Variants in PTPRD observed in about 807,000 individuals in gnomAD.
PTPRD encodes the protein protein tyrosine phosphatase receptor type D.
In PTPRD, 34 loss-of-function variants were observed where a neutral mutation model predicts 214.5. The ratio of observed to expected loss-of-function variants is 0.16; its 90% CI spans 0.12 to 0.21. PTPRD has a LOEUF of 0.21. Ranked by LOEUF, PTPRD falls within the 10% of genes least tolerant of loss-of-function variation. The pLI, the probability that PTPRD is intolerant of heterozygous loss-of-function variation, is 1.00. For missense variants in PTPRD, 2,545 were observed against 2,398.7 expected (o/e 1.06, Z -1.27); for synonymous variants, 1,128 against 845.7 (o/e 1.33, Z -5.79).
At chr9:9,423,594 A>G (rs1411391772) in intron 8 of PTPRD, among the ~76,000 whole-genome samples, 1 of 152,218 alleles carries the variant, frequency 6.6e-6, no homozygotes, top group African/African-American at 2.4e-5. Context: ...TGATACAAAT[A>G]TTAGAATTTC....
At chr9:10,376,194 G>C (rs895595797) in intron 2 of PTPRD, among the ~76,000 whole-genome samples, 1 of 151,854 alleles carries the variant, frequency 6.6e-6, no homozygotes, top group Admixed American at 6.6e-5. Flanking sequence ...GAGCCAAAAT[G>C]AATGAAGTCA....
chr9:9,313,122 T>G (rs1960059621), intron 9 of PTPRD, among the ~76,000 whole-genome samples: 1 of 152,194 alleles, frequency 6.6e-6, no homozygotes, highest in Non-Finnish European at 1.5e-5. Context: ...ACCAAAAATA[T>G]AGCGTAGGAA....
chr9:9,911,064 G>C (rs1421006376), intron 5 of PTPRD, among the ~76,000 whole-genome samples: 1 of 151,882 alleles, frequency 6.6e-6, no homozygotes, highest in East Asian at 1.9e-4. Flanking sequence ...TCCATTTCCA[G>C]TCTGCTTGGC....
chr9:10,109,751 C>A (rs906769414), intron 3 of PTPRD, among the ~76,000 whole-genome samples: 2 of 152,056 alleles, frequency 1.3e-5, no homozygotes, highest in African/African-American at 4.8e-5. Context: ...GTTGATAAAG[C>A]CAGACCTCTA....
intron 5 of PTPRD, among the ~76,000 whole-genome samples, chr9:9,917,237 A>T (rs1398452742): frequency 2.0e-5 from 3 of 150,242 alleles, no homozygotes; most frequent in Non-Finnish European, 4.5e-5. Context: ...AAAAATTTTT[A>T]AAAATCCACA....
At chr9:9,364,313 G>A (rs949003649) in intron 9 of PTPRD, among the ~76,000 whole-genome samples, 1 of 151,424 alleles carries the variant, frequency 6.6e-6, no homozygotes, top group Non-Finnish European at 1.5e-5. Context: ...AAACAAAATT[G>A]TGAAGAGAAT....
chr9:9,677,034 G>C (rs2096946281), intron 7 of PTPRD, among the ~76,000 whole-genome samples: 1 of 151,958 alleles, frequency 6.6e-6, no homozygotes, highest in Non-Finnish European at 1.5e-5. Context: ...TTAGCCCTTT[G>C]TCAGAAGAGT....
At chr9:10,208,587 G>C (rs974783201) in intron 3 of PTPRD, among the ~76,000 whole-genome samples, 3 of 152,168 alleles carry the variant, frequency 2.0e-5, no homozygotes, top group Non-Finnish European at 2.9e-5. Context: ...TAAATTCACT[G>C]CAGTTTTATC....
At chr9:9,519,849 T>C (rs2096923291) in intron 8 of PTPRD, among the ~76,000 whole-genome samples, 2 of 152,078 alleles carry the variant, frequency 1.3e-5, no homozygotes, top group Non-Finnish European at 2.9e-5. Context: ...CCGAACAAGT[T>C]GATCCCATAA....
intron 8 of PTPRD, among the ~76,000 whole-genome samples, chr9:9,536,671 T>C (rs1436328674): frequency 2.6e-5 from 4 of 152,026 alleles, no homozygotes; most frequent in Non-Finnish European, 4.4e-5. Context: ...CATTCTATTT[T>C]AGTCTAAGCC....
chr9:9,346,233 A>T (rs370372560), intron 9 of PTPRD, among the ~76,000 whole-genome samples: 1 of 152,184 alleles, frequency 6.6e-6, no homozygotes, highest in South Asian at 2.1e-4. Context: ...GACATTTATC[A>T]TAGAAAAAAG....
At chr9:9,665,949 G>C (rs2154383086) in intron 7 of PTPRD, among the ~76,000 whole-genome samples, 2 of 151,944 alleles carry the variant, frequency 1.3e-5, no homozygotes, top group Non-Finnish European at 2.9e-5. Flanking sequence ...AGTCCAGAAA[G>C]AGGAAAGGAA....
chr9:8,652,268 T>C (rs2096827968), intron 12 of PTPRD, among the ~76,000 whole-genome samples: 1 of 152,246 alleles, frequency 6.6e-6, no homozygotes, highest in African/African-American at 2.4e-5. Flanking sequence ...TTCTTTTTCC[T>C]TTTTTCTCTT....
At chr9:10,580,134 A>G (rs758993741) in intron 2 of PTPRD, among the ~76,000 whole-genome samples, 1 of 152,200 alleles carries the variant, frequency 6.6e-6, no homozygotes, top group South Asian at 2.1e-4. Context: ...AATTCAGGAG[A>G]ACCTAGCCTC....
intron 10 of PTPRD, among the ~76,000 whole-genome samples, chr9:9,070,313 C>T (rs1177684362): frequency 6.6e-6 from 1 of 152,098 alleles, no homozygotes; most frequent in African/African-American, 2.4e-5. Context: ...TGTAATTCTA[C>T]AAGAAATATG....
chr9:8,376,213 T>C, intron 38 of PTPRD, 123 bp from the exon 39 acceptor site: 1 of 1,121,488 alleles, frequency 8.9e-7, no homozygotes, highest in African/African-American at 1.6e-5. Context: ...CCTGTAGCCT[T>C]TGGGAAGACA....
At position 9,390,010 on chromosome 9, in the gene PTPRD, G is replaced by A. The variant is rs1330351808; in HGVS notation, c.-203+7439C>T. ...ATTAAGTGGGATAAGAAGAGACAGA[G>A]GTGGGAGAAAAGCATTGCGGTAGGG... is the stretch of plus-strand genomic sequence containing the variant. On this transcript the variant is annotated intron_variant, in intron 9 of 45. Coordinates refer to ENST00000381196, the MANE Select transcript of PTPRD (RefSeq NM_002839.4). Among the ~76,000 whole-genome samples the A allele has an allele frequency of 2.0e-5, 3 of 152,156 alleles. No individual in the cohort carries two copies. In the East Asian group the frequency reaches 5.8e-4, roughly 29 times the overall value.
intron 3 of PTPRD, among the ~76,000 whole-genome samples, chr9:10,055,538 T>G (rs1441511253): frequency 1.3e-5 from 2 of 152,104 alleles, no homozygotes; most frequent in Admixed American, 6.6e-5. Context: ...GATCCAGGAT[T>G]TAAACACAGG....
At chr9:10,410,329 T>C (rs1394789815) in intron 2 of PTPRD, among the ~76,000 whole-genome samples, 2 of 145,094 alleles carry the variant, frequency 1.4e-5, no homozygotes, top group Admixed American at 7.1e-5. Flanking sequence ...AAATTTATGA[T>C]ATATTTTACA....
Sources: gnomAD v4.1 joint callset for allele counts (sites outside exome capture counted in the v4.1 genomes callset) on GRCh38, gnomAD v4.1.1 for gene constraint, MANE v1.5 for transcripts, NCBI Gene and HGNC (gene_info 2026-07-23, HGNC 2026-07-21) for gene names.